The following ITPR2 variants were observed in gnomAD, a reference collection of about 807,000 sequenced individuals.
The protein encoded by ITPR2 is inositol 1,4,5-trisphosphate receptor type 2, also known as inositol 1,4,5-trisphosphate-gated calcium channel ITPR2.
In ITPR2, 207 loss-of-function variants were observed where a neutral mutation model predicts 317.1. The observed-to-expected ratio is 0.65, with a 90% CI of 0.58 to 0.73. ITPR2 has a LOEUF of 0.73. Ranked by LOEUF, ITPR2 falls within the 30% of genes least tolerant of loss-of-function variation. The pLI is 0.00. For missense variants in ITPR2, 2,613 were observed against 3,284.0 expected, an observed-to-expected ratio of 0.80 and a Z score of 4.99; for synonymous variants, 1,156 against 1,149.1, an observed-to-expected ratio of 1.01 and a Z score of -0.12.
intron 23 of ITPR2, among the ~76,000 whole-genome samples, chr12:26,626,108 C>T (rs1017374850): frequency 4.6e-5 from 7 of 152,214 alleles, no homozygotes; most frequent in South Asian, 2.1e-4. Flanking sequence ...ACCAAAGGCA[C>T]GCGCCTCCAC....
intron 15 of ITPR2, among the ~76,000 whole-genome samples, chr12:26,661,962 C>T (rs1436634602): frequency 3.3e-5 from 5 of 152,180 alleles, no homozygotes; most frequent in South Asian, 2.1e-4. Flanking sequence ...CAATGAAGTC[C>T]GGAAAAATAA....
chr12:26,362,511 G>C (rs1938866059), intron 55 of ITPR2, among the ~76,000 whole-genome samples: 1 of 152,168 alleles, frequency 6.6e-6, no homozygotes, highest in Non-Finnish European at 1.5e-5. Flanking sequence ...AATACGGATA[G>C]ACTTTTACTG....
chr12:26,748,058 T>C (rs1480970886), intron 2 of ITPR2, among the ~76,000 whole-genome samples: 1 of 152,062 alleles, frequency 6.6e-6, no homozygotes, highest in Non-Finnish European at 1.5e-5. Context: ...AGCTTTTTGT[T>C]TGTTTGTTTT....
rs750064985 is a variant in ITPR2, at chr12:26,595,499, T to G, written c.4346A>C (p.Lys1449Thr). The G allele has an allele frequency of 1.9e-6, 3 of 1,608,844 alleles. No individual in the cohort carries two copies. Among genetic ancestry groups the G allele is most frequent in the African/African-American group, 2.7e-5 (2 of 74,600 alleles). ...KEIYTSNHIW[K>T]LFENFLVDMA... ...ATCCACCAAGAAGTTCTCAAATAAT[T>G]TCCAAATGTGGTTACTTGTATAGAT... The change falls in exon 32 of 57, where the codon AAA becomes ACA. Residue 1449 changes from lysine to threonine, a missense_variant. Coordinates refer to ENST00000381340, the MANE Select transcript of ITPR2 (RefSeq NM_002223.4).
chr12:26,677,415 C>A (rs1354091067), intron 13 of ITPR2, among the ~76,000 whole-genome samples: 1 of 151,950 alleles, frequency 6.6e-6, no homozygotes, highest in Non-Finnish European at 1.5e-5. Flanking sequence ...GCCTGGGCAA[C>A]ACGGCGAAAC....
chr12:26,678,412 C>CAGAGAGAG (rs34253560), intron 13 of ITPR2, among the ~76,000 whole-genome samples: 1 of 149,420 alleles, frequency 6.7e-6, no homozygotes, highest in South Asian at 2.1e-4. Flanking sequence ...AAAGGGAAGA[C>CAGAGAGAG]AGAGAGAGAG....
intron 47 of ITPR2, among the ~76,000 whole-genome samples, chr12:26,436,820 G>A (rs949236023): frequency 1.3e-5 from 2 of 152,184 alleles, no homozygotes; most frequent in Admixed American, 1.3e-4. Context: ...TCCTATGACA[G>A]TCACAGTTAC....
At chr12:26,571,439 C>G (rs541251704) in intron 34 of ITPR2, among the ~76,000 whole-genome samples, 1 of 152,308 alleles carries the variant, frequency 6.6e-6, no homozygotes, top group African/African-American at 2.4e-5. Flanking sequence ...TTCCCAAAAC[C>G]CTTATAACTC....
chr12:26,735,411 C>G (rs910262899), intron 2 of ITPR2, among the ~76,000 whole-genome samples: 2 of 147,968 alleles, frequency 1.4e-5, no homozygotes, highest in Non-Finnish European at 3.0e-5. Flanking sequence ...AAGGGAAGGA[C>G]AAGGGAAACA....
chr12:26,816,547 A>G (rs1950856134), intron 1 of ITPR2, among the ~76,000 whole-genome samples: 1 of 152,232 alleles, frequency 6.6e-6, no homozygotes, highest in South Asian at 2.1e-4. Flanking sequence ...TATGTGACAG[A>G]CATCGTGAAA....
chr12:26,462,406 G>A (rs1158273084), intron 45 of ITPR2, among the ~76,000 whole-genome samples: 1 of 152,142 alleles, frequency 6.6e-6, no homozygotes, highest in Non-Finnish European at 1.5e-5. Flanking sequence ...TAGAGATGTT[G>A]TTTCATCATG....
chr12:26,387,446 A>G lies in ITPR2; in HGVS notation c.7845T>C (p.Ala2615=). 6.2e-7 allele frequency: 1 copy of G among 1,613,606 alleles called. No individual in the cohort carries two copies. The highest frequency in any genetic ancestry group is 8.5e-7 in the Non-Finnish European group (1 of 1,179,722). ...TCTGGTCACTCACCACAATCATTTG[A>G]GCCACATAACTTTCAGGTCCAGTGT... ...TEYTGPESYV[A]QMIVEKNLDW... The change falls in exon 55 of 57, where the codon GCT becomes GCC. Residue 2615 remains alanine, a synonymous_variant. Transcript: ENST00000381340.
At chr12:26,452,903 T>C (rs1941774309) in intron 45 of ITPR2, among the ~76,000 whole-genome samples, 1 of 152,040 alleles carries the variant, frequency 6.6e-6, no homozygotes, top group African/African-American at 2.4e-5. Context: ...CAACAGAAAA[T>C]AGACTAAGAC....
chr12:26,571,871 T>C (rs1945169597), intron 34 of ITPR2, among the ~76,000 whole-genome samples: 1 of 152,248 alleles, frequency 6.6e-6, no homozygotes, highest in African/African-American at 2.4e-5. Flanking sequence ...TTGTATTCCA[T>C]GTACAACTAA....
At chr12:26,637,317 T>C (rs984468431) in intron 21 of ITPR2, among the ~76,000 whole-genome samples, 1 of 152,074 alleles carries the variant, frequency 6.6e-6, no homozygotes, top group African/African-American at 2.4e-5. Context: ...TAAGAACAAG[T>C]ACAAGACAGA....
chr12:26,818,107 T>C (rs1346307025), intron 1 of ITPR2, among the ~76,000 whole-genome samples: 1 of 152,258 alleles, frequency 6.6e-6, no homozygotes, highest in Admixed American at 6.5e-5. Context: ...TAAAACTAAA[T>C]AATGTGGTTA....
chr12:26,346,337 G>A (rs1379353082), intron 55 of ITPR2, among the ~76,000 whole-genome samples: 2 of 152,074 alleles, frequency 1.3e-5, no homozygotes, highest in East Asian at 1.9e-4. Context: ...AGTCAGCTGC[G>A]CTGGGCCAGG....
In ITPR2 at chr12:26,597,018, G is replaced by A. The variant is rs914687823; in HGVS notation, c.4119C>T (p.Ala1373=). ...GCAACTCCACCAGGGTGATGTGGTA[G>A]GCTAAGGGGCCACTCTCATCCCCTC... is the stretch of plus-strand genomic sequence containing the variant. ...RDRGDESGPL[A]YHITLVELLA... The change falls in exon 31 of 57, where the codon GCC becomes GCT. Residue 1373 remains alanine, a synonymous_variant. Transcript: ENST00000381340. 1.3e-5 allele frequency: 21 copies of A among 1,613,890 alleles called. No individual in the cohort carries two copies. Among genetic ancestry groups the A allele is most frequent in the Non-Finnish European group, 1.8e-5 (21 of 1,179,982 alleles).
chr12:26,684,422 GC>G (rs1361328904), intron 11 of ITPR2, among the ~76,000 whole-genome samples: 2 of 152,224 alleles, frequency 1.3e-5, no homozygotes, highest in Non-Finnish European at 2.9e-5. Context: ...TTTACAGTCA[GC>G]TTGAGAACCA....
Sources: gnomAD v4.1 joint callset for allele counts (sites outside exome capture counted in the v4.1 genomes callset) on GRCh38, gnomAD v4.1.1 for gene constraint, MANE v1.5 for transcripts, NCBI Gene and HGNC (gene_info 2026-07-23, HGNC 2026-07-21) for gene names.